Variants in RCC1L observed in about 807,000 individuals in gnomAD.
RCC1L encodes RCC1-like G exchanging factor-like protein.
RCC1L carries 46 observed loss-of-function variants against 58.6 expected under a neutral mutation model. That is an observed-to-expected ratio of 0.79 (90% CI 0.62 to 1.00). The LOEUF (loss-of-function observed/expected upper bound fraction) is 1.00, where lower values mean the gene tolerates loss of function less well. Among genes scored for constraint, RCC1L ranks in the 50% least tolerant of loss-of-function variants. The probability of loss-of-function intolerance (pLI) is 0.00; values close to 1 mark genes in which losing one functional copy is unlikely to be tolerated. For missense variants in RCC1L, 636 were observed against 623.6 expected, an observed-to-expected ratio of 1.02 and a Z score of -0.21; for synonymous variants, 281 against 262.9, an observed-to-expected ratio of 1.07 and a Z score of -0.67.
At position 75,049,668 on chromosome 7, in the gene RCC1L, C is replaced by CA. The variant is rs1243232492; in HGVS notation, c.1317+3042dup. ...GGGCGACAAAGCAAGACCCTGTTTT[C>CA]AAAAAAAAAAAAAAATCCTGGGCAA... On this transcript the variant is annotated intron_variant, in intron 10 of 10. Coordinates refer to ENST00000610322, the MANE Select transcript of RCC1L (RefSeq NM_030798.5). 1.3e-3 allele frequency among the ~76,000 whole-genome samples: 170 copies of CA among 128,640 alleles called. No individual in the cohort carries two copies. In the South Asian group the frequency reaches 0.015, roughly 12 times the overall value. 84.4% of individuals were successfully genotyped at this position (128,640 alleles called of 152,430 possible). A position where few individuals can be genotyped will look rare whatever the true frequency, so the allele number is the denominator to read the frequency against.
intron 1 of RCC1L, among the ~76,000 whole-genome samples, chr7:75,072,161 C>CATATACGTATATATAT (rs1455614533): frequency 4.3e-5 from 2 of 46,366 alleles, no homozygotes; most frequent in Non-Finnish European, 9.2e-5. Flanking sequence ...TATACATATA[C>CATATACGTATATATAT]ATATATATAT....
chr7:75,066,872 C>A, intron 2 of RCC1L, 80 bp from the exon 3 acceptor site: 1 of 1,493,862 alleles, frequency 6.7e-7, no homozygotes, highest in South Asian at 1.4e-5. Flanking sequence ...CGCTACTACA[C>A]TGGAAAAAAG....
chr7:75,051,173 G>GAAA (rs1554443296), intron 10 of RCC1L, among the ~76,000 whole-genome samples: 5 of 140,066 alleles, frequency 3.6e-5, no homozygotes, highest in African/African-American at 1.3e-4. Context: ...GATAGTCTTG[G>GAAA]AAAAAATATA....
chr7:75,033,735 T>G, intron 10 of RCC1L, among the ~76,000 whole-genome samples: 1 of 150,542 alleles, frequency 6.6e-6, no homozygotes, highest in Non-Finnish European at 1.5e-5. Flanking sequence ...GGTGCATACC[T>G]GTAATCCCAA....
chr7:75,056,708 G>C, intron 8 of RCC1L: 1 of 1,535,464 alleles, frequency 6.5e-7, no homozygotes, highest in Non-Finnish European at 8.7e-7. Context: ...GGATGACTCA[G>C]CTCTGTGGCC....
downstream of RCC1L, among the ~76,000 whole-genome samples, chr7:75,041,170 C>T (rs587656513): frequency 3.3e-5 from 5 of 151,932 alleles, no homozygotes; most frequent in Admixed American, 2.0e-4. Context: ...GCCGAGATCG[C>T]GCCACTGCAC....
At chr7:75,065,649 G>A (rs762978627) in intron 3 of RCC1L, among the ~76,000 whole-genome samples, 1 of 152,168 alleles carries the variant, frequency 6.6e-6, no homozygotes, top group Non-Finnish European at 1.5e-5. Flanking sequence ...ATGTTACCCA[G>A]GGGCCCGGAC....
chr7:75,047,320 G>A (rs900702291), intron 10 of RCC1L, among the ~76,000 whole-genome samples: 12 of 152,096 alleles, frequency 7.9e-5, no homozygotes, highest in Non-Finnish European at 1.8e-4. Flanking sequence ...CGGCTGGAGC[G>A]CAGTGGTGTG....
intron 10 of RCC1L, among the ~76,000 whole-genome samples, chr7:75,028,380 C>T (rs1186671340): frequency 6.6e-6 from 1 of 152,110 alleles, no homozygotes; most frequent in Non-Finnish European, 1.5e-5. Context: ...CTTGGCCTCC[C>T]GAAGTGCTGG....
intron 9 of RCC1L, among the ~76,000 whole-genome samples, chr7:75,054,723 A>G (rs1223475121): frequency 6.6e-6 from 1 of 152,180 alleles, no homozygotes; most frequent in African/African-American, 2.4e-5. Context: ...CGGAGGTTGC[A>G]GTGAGCCAAG....
intron 2 of RCC1L, among the ~76,000 whole-genome samples, chr7:75,069,258 T>G (rs1480390460): frequency 1.3e-5 from 2 of 152,144 alleles, no homozygotes; most frequent in African/African-American, 4.8e-5. Context: ...GGTGGCGCAA[T>G]CACCGCTCAC....
downstream of RCC1L, among the ~76,000 whole-genome samples, chr7:75,040,925 G>A (rs1336277501): frequency 6.6e-6 from 1 of 152,004 alleles, no homozygotes; most frequent in Non-Finnish European, 1.5e-5. Context: ...CCACTTTAAA[G>A]TGCAGCTCTA....
At chr7:75,073,251 C>T (rs1270306512) in intron 1 of RCC1L, among the ~76,000 whole-genome samples, 163 bp downstream of exon 1, 2 of 152,272 alleles carry the variant, frequency 1.3e-5, no homozygotes, top group Admixed American at 6.5e-5. Flanking sequence ...GATGGCCACC[C>T]CTAACGCCTT....
chr7:75,038,370 G>A (rs1250359340), downstream of RCC1L, among the ~76,000 whole-genome samples: 19 of 151,930 alleles, frequency 1.3e-4, no homozygotes, highest in Admixed American at 1.1e-3. Context: ...TCCCGCCTCA[G>A]CCTCCTGAGT....
chr7:75,057,507 G>C, intron 8 of RCC1L, 22 bp downstream of exon 8: 1 of 1,612,176 alleles, frequency 6.2e-7, no homozygotes, highest in African/African-American at 1.3e-5. Flanking sequence ...TTCCCAATGA[G>C]CCACCGGAAA....
downstream of RCC1L, among the ~76,000 whole-genome samples, chr7:75,041,539 C>T (rs1248361394): frequency 2.0e-5 from 3 of 151,988 alleles, no homozygotes; most frequent in Non-Finnish European, 2.9e-5. Context: ...AACTGAACTG[C>T]GGGAGTAGAA....
intron 4 of RCC1L, 54 bp from the exon 5 acceptor site, chr7:75,063,397 T>C (rs1283297906): frequency 1.3e-6 from 2 of 1,584,272 alleles, no homozygotes; most frequent in East Asian, 2.2e-5. Flanking sequence ...TGACAAGCAC[T>C]GTGCAGCCCT....
intron 9 of RCC1L, among the ~76,000 whole-genome samples, chr7:75,053,712 C>A (rs1402556254): frequency 3.3e-5 from 5 of 152,302 alleles, no homozygotes; most frequent in Admixed American, 2.0e-4. Flanking sequence ...TGGGGCACTC[C>A]TGGGCCCATG....
chr7:75,051,587 ATT>A (rs1805918094), intron 10 of RCC1L, among the ~76,000 whole-genome samples: 1 of 151,738 alleles, frequency 6.6e-6, no homozygotes, highest in Non-Finnish European at 1.5e-5. Flanking sequence ...TAATTTTTGT[ATT>A]TTTAATAGAC....
Sources: gnomAD v4.1 joint callset for allele counts (sites outside exome capture counted in the v4.1 genomes callset) on GRCh38, gnomAD v4.1.1 for gene constraint, MANE v1.5 for transcripts, NCBI Gene and HGNC (gene_info 2026-07-23, HGNC 2026-07-21) for gene names.